The following SYN3 variants were observed in gnomAD, a reference collection of about 807,000 sequenced individuals.
SYN3 encodes the protein synapsin-3.
In SYN3, 35 loss-of-function variants were observed where a neutral mutation model predicts 65.8. The ratio of observed to expected loss-of-function variants is 0.53; its 90% CI spans 0.41 to 0.70. SYN3 has a LOEUF of 0.70. Ranked by LOEUF, SYN3 falls within the 30% of genes least tolerant of loss-of-function variation. SYN3 has a pLI of 0.00. For missense variants in SYN3, 680 were observed against 749.0 expected (o/e 0.91, Z 1.08); for synonymous variants, 270 against 292.9 (o/e 0.92, Z 0.80).
chr22:32,596,403 T>C (rs5749468), intron 7 of SYN3, among the ~76,000 whole-genome samples: 27,117 of 152,230 alleles, frequency 0.18, 3,020 homozygotes, highest in South Asian at 0.28. Context: ...TCTACATCTC[T>C]TTCTCTTCAG....
At chr22:33,045,614 A>G (rs1392989419) in intron 1 of SYN3, among the ~76,000 whole-genome samples, 1 of 151,594 alleles carries the variant, frequency 6.6e-6, no homozygotes, top group East Asian at 1.9e-4. Flanking sequence ...GGCGCCCGCC[A>G]CTACACCCAG....
At chr22:32,569,557 C>CTATA (rs1401047566) in intron 7 of SYN3, among the ~76,000 whole-genome samples, 11 of 76,638 alleles carry the variant, frequency 1.4e-4, no homozygotes, top group Admixed American at 3.0e-4. Context: ...CTCTCTCTCT[C>CTATA]TCTCTCTCTC....
chr22:32,593,957 G>A (rs1300375721), intron 7 of SYN3, among the ~76,000 whole-genome samples: 1 of 152,126 alleles, frequency 6.6e-6, no homozygotes, highest in Admixed American at 6.5e-5. Context: ...GCCACTATAA[G>A]GAGAGTTTGG....
At chr22:32,570,099 C>T (rs1243998074) in intron 7 of SYN3, among the ~76,000 whole-genome samples, 2 of 152,190 alleles carry the variant, frequency 1.3e-5, no homozygotes, top group African/African-American at 4.8e-5. Flanking sequence ...CTGGACTTAT[C>T]TTGCTCATGC....
intron 6 of SYN3, among the ~76,000 whole-genome samples, chr22:32,852,074 A>G (rs545285872): frequency 6.6e-6 from 1 of 152,344 alleles, no homozygotes; most frequent in Admixed American, 6.5e-5. Context: ...GCTTAGTGCC[A>G]GGCATTCTGC....
chr22:32,875,782 C>A (rs1267773919), intron 4 of SYN3, among the ~76,000 whole-genome samples: 13 of 152,086 alleles, frequency 8.5e-5, no homozygotes, highest in Admixed American at 8.5e-4. Context: ...AAGGATCCTC[C>A]CCTGGAGCCT....
At chr22:32,628,327 T>G (rs2059698555) in intron 6 of SYN3, among the ~76,000 whole-genome samples, 1 of 152,194 alleles carries the variant, frequency 6.6e-6, no homozygotes. Context: ...TTTACAAGTT[T>G]GAATTCTTCT....
At position 32,531,905 on chromosome 22, in the gene SYN3, C is replaced by CTT. The variant is rs5845007; in HGVS notation, c.1095+1886_1095+1887dup. 8.7e-3 allele frequency among the ~76,000 whole-genome samples: 1,006 copies of CTT among 115,452 alleles called. 15 individuals carry two copies. The highest frequency in any genetic ancestry group is 0.04 in the Middle Eastern group (8 of 202). The allele number at this position is 115,452 out of a possible 152,430, so 75.7% of individuals were successfully genotyped here. A position where few individuals can be genotyped will look rare whatever the true frequency, so the allele number is the denominator to read the frequency against. ...TTGAAGTCCGAGCCCACTACTTTTA[C>CTT]TTTTTTTTTTTTTTTTTTAATGTGA... On this transcript the variant is annotated intron_variant, in intron 10 of 13. Transcript: ENST00000358763.
At chr22:32,883,016 G>A (rs537589109) in intron 4 of SYN3, among the ~76,000 whole-genome samples, 15 of 152,050 alleles carry the variant, frequency 9.9e-5, no homozygotes, top group Non-Finnish European at 1.6e-4. Flanking sequence ...CCTCCAGGCT[G>A]TGAACTCCAC....
In SYN3 at chr22:32,844,869, C is replaced by A. The variant is rs143640652; in HGVS notation, c.711+20046G>T. Among the ~76,000 whole-genome samples the A allele has an allele frequency of 3.3e-5, 5 of 152,140 alleles. No homozygotes were observed. In the East Asian group the frequency reaches 9.7e-4, roughly 29 times the overall value. On this transcript the variant is annotated intron_variant, in intron 6 of 13. Transcript: ENST00000358763. ...GAGACTACAGATACACGGCACCATG[C>A]CTGGCTAATTGTTTTAAATTTTTAT...
At chr22:32,836,357 C>G (rs1211706711) in intron 6 of SYN3, among the ~76,000 whole-genome samples, 1 of 152,202 alleles carries the variant, frequency 6.6e-6, no homozygotes, top group African/African-American at 2.4e-5. Context: ...TCTTCTCCTT[C>G]TTTATCAATG....
chr22:32,925,489 T>C (rs1303416386), intron 4 of SYN3, among the ~76,000 whole-genome samples: 1 of 152,234 alleles, frequency 6.6e-6, no homozygotes, highest in Non-Finnish European at 1.5e-5. Flanking sequence ...AGCAAATACC[T>C]GGAACATTTC....
intron 4 of SYN3, among the ~76,000 whole-genome samples, chr22:32,922,776 A>C (rs954678672): frequency 6.6e-6 from 1 of 152,088 alleles, no homozygotes; most frequent in South Asian, 2.1e-4. Context: ...AGATATTCCA[A>C]TTGACTGGGG....
At chr22:32,998,230 T>A (rs139188750) in intron 2 of SYN3, among the ~76,000 whole-genome samples, 1 of 152,032 alleles carries the variant, frequency 6.6e-6, no homozygotes, top group African/African-American at 2.4e-5. Flanking sequence ...TAGGTGATGA[T>A]CATACAGCGT....
chr22:32,736,968 C>T (rs1317957137), intron 6 of SYN3, among the ~76,000 whole-genome samples: 3 of 152,114 alleles, frequency 2.0e-5, no homozygotes, highest in Admixed American at 2.0e-4. Flanking sequence ...AGCAAGCAGA[C>T]AGACCTCTCT....
intron 2 of SYN3, among the ~76,000 whole-genome samples, chr22:32,986,258 G>A (rs2052524278): frequency 6.6e-6 from 1 of 152,114 alleles, no homozygotes; most frequent in Non-Finnish European, 1.5e-5. Context: ...CAGCCACTGC[G>A]ATGTGGGGGT....
At chr22:32,649,025 C>T (rs1037392146) in intron 6 of SYN3, among the ~76,000 whole-genome samples, 5 of 152,174 alleles carry the variant, frequency 3.3e-5, no homozygotes, top group African/African-American at 4.8e-5. Flanking sequence ...ATTGTATCAT[C>T]GTTCCTAATT....
intron 6 of SYN3, among the ~76,000 whole-genome samples, chr22:32,716,973 C>A (rs1008102011): frequency 6.6e-6 from 1 of 152,180 alleles, no homozygotes; most frequent in Non-Finnish European, 1.5e-5. Flanking sequence ...TTCATCTCCA[C>A]AAACTGAAAC....
chr22:32,928,279 G>A (rs894916829), intron 4 of SYN3, among the ~76,000 whole-genome samples: 5 of 152,000 alleles, frequency 3.3e-5, no homozygotes, highest in African/African-American at 9.7e-5. Context: ...GCAGTGAACC[G>A]AGATCGCACC....
Sources: gnomAD v4.1 joint callset for allele counts (sites outside exome capture counted in the v4.1 genomes callset) on GRCh38, gnomAD v4.1.1 for gene constraint, MANE v1.5 for transcripts, NCBI Gene and HGNC (gene_info 2026-07-23, HGNC 2026-07-21) for gene names.